The following CSGALNACT1 variants were observed in gnomAD, a reference collection of about 807,000 sequenced individuals.
The protein encoded by CSGALNACT1 is chondroitin sulfate N-acetylgalactosaminyltransferase 1, also known as beta4GalNAcT-1.
A neutral mutation model predicts 51.0 loss-of-function variants in CSGALNACT1; 52 were observed. The observed-to-expected ratio is 1.02, with a 90% confidence interval of 0.82 to 1.29. The LOEUF (loss-of-function observed/expected upper bound fraction) is 1.29, where lower values mean the gene tolerates loss of function less well. CSGALNACT1 is among the 50% of genes most tolerant of loss of function. The probability of loss-of-function intolerance (pLI) is 0.00; values close to 1 mark genes in which losing one functional copy is unlikely to be tolerated. For synonymous variants in CSGALNACT1, 341 were observed against 254.4 expected (o/e 1.34, Z -3.24); for missense variants, 935 against 679.2 (o/e 1.38, Z -4.19).
intron 6 of CSGALNACT1, among the ~76,000 whole-genome samples, chr8:19,435,660 G>T (rs928265403): frequency 7.9e-5 from 12 of 152,226 alleles, no homozygotes; most frequent in Non-Finnish European, 1.8e-4. Flanking sequence ...CTGGGCCTGG[G>T]TCCCAGGAGT....
intron 4 of CSGALNACT1, among the ~76,000 whole-genome samples, chr8:19,475,011 A>C (rs1428695129): frequency 6.6e-6 from 1 of 152,170 alleles, no homozygotes; most frequent in Non-Finnish European, 1.5e-5. Flanking sequence ...GTGAGCAGCT[A>C]TAACACCGTG....
intron 3 of CSGALNACT1, among the ~76,000 whole-genome samples, chr8:19,567,861 G>GA (rs1178115201): frequency 2.6e-5 from 4 of 151,992 alleles, no homozygotes; most frequent in Non-Finnish European, 4.4e-5. Flanking sequence ...CAAAGAGTTA[G>GA]AAAATGAAAT....
At chr8:19,464,143 T>G (rs1280700284) in intron 4 of CSGALNACT1, among the ~76,000 whole-genome samples, 1 of 152,204 alleles carries the variant, frequency 6.6e-6, no homozygotes, top group Non-Finnish European at 1.5e-5. Flanking sequence ...ACACTCATTC[T>G]CAACAGTCCC....
At chr8:19,633,874 G>A (rs2055637527) in intron 1 of CSGALNACT1, among the ~76,000 whole-genome samples, 1 of 152,142 alleles carries the variant, frequency 6.6e-6, no homozygotes, top group Admixed American at 6.5e-5. Context: ...CCAAACTGGT[G>A]GCATGCAAAG....
intron 1 of CSGALNACT1, among the ~76,000 whole-genome samples, chr8:19,735,875 G>T (rs2063939375): frequency 6.6e-6 from 1 of 152,006 alleles, no homozygotes; most frequent in South Asian, 2.1e-4. Context: ...ATTCAAAAGT[G>T]AACAAATATA....
intron 1 of CSGALNACT1, among the ~76,000 whole-genome samples, chr8:19,650,529 G>A (rs535290363): frequency 6.8e-4 from 104 of 152,182 alleles, no homozygotes; most frequent in Admixed American, 2.8e-3. Context: ...AATCCAATGG[G>A]CACCAACAAT....
chr8:19,548,014 G>A (rs1237501139), intron 3 of CSGALNACT1, among the ~76,000 whole-genome samples: 5 of 152,174 alleles, frequency 3.3e-5, no homozygotes, highest in Non-Finnish European at 7.3e-5. Flanking sequence ...TACGAGTGAT[G>A]TAACATCGCT....
intron 4 of CSGALNACT1, among the ~76,000 whole-genome samples, chr8:19,497,646 A>G (rs1207350685): frequency 6.6e-6 from 1 of 152,230 alleles, no homozygotes; most frequent in Non-Finnish European, 1.5e-5. Context: ...TGGAAATGCT[A>G]GAAATAAAAA....
chr8:19,427,877 T>C (rs1236154023), intron 6 of CSGALNACT1, among the ~76,000 whole-genome samples: 1 of 152,106 alleles, frequency 6.6e-6, no homozygotes, highest in Non-Finnish European at 1.5e-5. Context: ...TGTGAGTAAC[T>C]GTGCACAAGG....
intron 1 of CSGALNACT1, among the ~76,000 whole-genome samples, chr8:19,674,990 G>A (rs1163298205): frequency 1.3e-5 from 2 of 152,160 alleles, no homozygotes; most frequent in African/African-American, 4.8e-5. Context: ...AATCCATCTT[G>A]AGACTCAAAG....
At chr8:19,596,880 T>C (rs972334916) in intron 2 of CSGALNACT1, among the ~76,000 whole-genome samples, 6 of 152,226 alleles carry the variant, frequency 3.9e-5, no homozygotes, top group Admixed American at 3.9e-4. Flanking sequence ...TACAGTCCAG[T>C]AGCATTAAAT....
chr8:19,527,087 G>A (rs536138292), intron 3 of CSGALNACT1, among the ~76,000 whole-genome samples: 3 of 152,290 alleles, frequency 2.0e-5, no homozygotes, highest in African/African-American at 7.2e-5. Flanking sequence ...ATCAAGATAA[G>A]TAAGACAGCA....
chr8:19,588,992 G>A (rs1361039754), intron 3 of CSGALNACT1, among the ~76,000 whole-genome samples: 3 of 152,138 alleles, frequency 2.0e-5, no homozygotes, highest in South Asian at 2.1e-4. Context: ...CACTGAGTGG[G>A]CCCAGGAATG....
intron 5 of CSGALNACT1, chr8:19,457,626 T>TA (rs762468200): frequency 2.4e-6 from 3 of 1,260,614 alleles, no homozygotes; most frequent in Non-Finnish European, 3.1e-6. Flanking sequence ...AAAAAAGAAA[T>TA]AAAAAATCAG....
At chr8:19,710,401 T>C (rs151197150) in intron 1 of CSGALNACT1, among the ~76,000 whole-genome samples, 19 of 152,236 alleles carry the variant, frequency 1.2e-4, no homozygotes, top group African/African-American at 4.3e-4. Flanking sequence ...ATGGTTCCTG[T>C]AAAAGAAATA....
At chr8:19,647,631 T>C (rs1015261311) in intron 1 of CSGALNACT1, among the ~76,000 whole-genome samples, 14 of 152,154 alleles carry the variant, frequency 9.2e-5, no homozygotes, top group African/African-American at 3.4e-4. Flanking sequence ...AGCGGTGTAT[T>C]AGGAACTCTG....
At chr8:19,561,191 G>C in intron 3 of CSGALNACT1, among the ~76,000 whole-genome samples, 1 of 152,126 alleles carries the variant, frequency 6.6e-6, no homozygotes, top group East Asian at 1.9e-4. Flanking sequence ...TGATCAGGAA[G>C]GGACTCATGG....
chr8:19,405,784 G>GC lies in CSGALNACT1; in HGVS notation c.1594_1595insG (p.Thr532SerfsTer31). ...CCACAATCCTTCTCTGGGAGTTCATGTTTTTTTGCTACTTGTCTTCTGTTT... is the reference window on the plus strand; with the variant it reads ...CCACAATCCTTCTCTGGGAGTTCATGCTTTTTTTGCTACTTGTCTTCTGTTT... On this transcript the variant is annotated frameshift_variant, in exon 10 of 10. Coordinates refer to ENST00000454498, the Ensembl canonical transcript of CSGALNACT1. LOFTEE classifies it high-confidence loss of function. 1.9e-6 allele frequency: 3 copies of GC among 1,614,124 alleles called. No homozygotes were observed. Among genetic ancestry groups the GC allele is most frequent in the Non-Finnish European group, 2.5e-6 (3 of 1,180,034 alleles).
intron 3 of CSGALNACT1, among the ~76,000 whole-genome samples, chr8:19,558,687 C>T (rs911518819): frequency 2.0e-5 from 3 of 152,100 alleles, no homozygotes; most frequent in Admixed American, 6.6e-5. Flanking sequence ...ACTGACTCAA[C>T]GCTTAAACTA....
Sources: allele counts gnomAD v4.1 joint callset (sites outside exome capture counted in the v4.1 genomes callset), GRCh38; gene constraint gnomAD v4.1.1; transcripts MANE v1.5; gene names NCBI Gene and HGNC (gene_info 2026-07-23, HGNC 2026-07-21).